FAM168A: variants seen among roughly 807,000 people sequenced by gnomAD.
FAM168A encodes the protein family with sequence similarity 168 member A.
In FAM168A, 3 loss-of-function variants were observed where a neutral mutation model predicts 28.5. That is an observed-to-expected ratio of 0.11 (90% CI 0.05 to 0.27). The LOEUF is 0.27. Ranked by LOEUF, FAM168A falls within the 10% of genes least tolerant of loss-of-function variation. The pLI, the probability that FAM168A is intolerant of heterozygous loss-of-function variation, is 1.00. For missense variants in FAM168A, 222 were observed against 311.5 expected (o/e 0.71, Z 2.16); for synonymous variants, 122 against 124.2 (o/e 0.98, Z 0.12).
intron 3 of FAM168A, chr11:73,424,986 G>A (rs1449465162): frequency 2.7e-6 from 4 of 1,489,908 alleles, no homozygotes; most frequent in Non-Finnish European, 3.6e-6. Flanking sequence ...CACATTCATA[G>A]GCTGTAATAC....
At chr11:73,407,474 G>T in intron 7 of FAM168A, 39 bp downstream of exon 7, 1 of 1,418,504 alleles carries the variant, frequency 7.0e-7, no homozygotes, top group Non-Finnish European at 9.5e-7. Flanking sequence ...GTTCCTGTAT[G>T]TATCCCCCTC....
At chr11:73,432,598 C>G (rs749207314) in intron 2 of FAM168A, among the ~76,000 whole-genome samples, 4 of 152,144 alleles carry the variant, frequency 2.6e-5, no homozygotes, top group Non-Finnish European at 4.4e-5. Flanking sequence ...AATGTCTATC[C>G]AAATCATTTT....
At chr11:73,422,723 ATT>A in intron 3 of FAM168A, among the ~76,000 whole-genome samples, 1 of 152,358 alleles carries the variant, frequency 6.6e-6, no homozygotes, top group East Asian at 1.9e-4. Flanking sequence ...TAAAGACATT[ATT>A]AAGCTGTACA....
At chr11:73,456,420 A>G (rs1867533196) in intron 2 of FAM168A, among the ~76,000 whole-genome samples, 1 of 152,214 alleles carries the variant, frequency 6.6e-6, no homozygotes, top group Admixed American at 6.5e-5. Flanking sequence ...CTATGTCTTG[A>G]GCTAATTGTG....
chr11:73,486,406 TTC>T (rs1868054218), intron 1 of FAM168A, among the ~76,000 whole-genome samples: 1 of 152,208 alleles, frequency 6.6e-6, no homozygotes. Context: ...CCATTCTATA[TTC>T]TGTCTCTAAA....
chr11:73,458,175 C>T (rs749370294), intron 2 of FAM168A, among the ~76,000 whole-genome samples: 2 of 152,084 alleles, frequency 1.3e-5, no homozygotes, highest in East Asian at 1.9e-4. Context: ...GAAAAACATA[C>T]AAATAAACAA....
chr11:73,502,829 T>C (rs1019252529), intron 1 of FAM168A, among the ~76,000 whole-genome samples: 3 of 152,222 alleles, frequency 2.0e-5, no homozygotes, highest in Non-Finnish European at 4.4e-5. Context: ...ATCCCTGGGA[T>C]GCAAGGCTGG....
intron 1 of FAM168A, among the ~76,000 whole-genome samples, chr11:73,485,417 A>C (rs1334592199): frequency 6.6e-6 from 1 of 152,210 alleles, no homozygotes; most frequent in Non-Finnish European, 1.5e-5. Flanking sequence ...AGAACCAGAG[A>C]TACACGTGTC....
At chr11:73,443,336 T>C (rs1467958806) in intron 2 of FAM168A, among the ~76,000 whole-genome samples, 2 of 152,170 alleles carry the variant, frequency 1.3e-5, no homozygotes, top group African/African-American at 4.8e-5. Context: ...CTATAATGAA[T>C]GCAAAAGGAA....
At chr11:73,559,361 C>G (rs1333092370) in intron 1 of FAM168A, among the ~76,000 whole-genome samples, 1 of 151,910 alleles carries the variant, frequency 6.6e-6, no homozygotes, top group Admixed American at 6.6e-5. Flanking sequence ...GAGCCGAGAT[C>G]GCGCCACTGC....
chr11:73,456,629 G>T (rs185022005), intron 2 of FAM168A, among the ~76,000 whole-genome samples: 1 of 152,158 alleles, frequency 6.6e-6, no homozygotes. Context: ...CATTGTTATT[G>T]TTTTAAGGAT....
Position 73,413,514 on chromosome 11 carries a change from T to A in FAM168A, c.278-1978A>T, listed in dbSNP as rs112546885. Among the ~76,000 whole-genome samples, 112 of 152,264 alleles carry A rather than the reference T, an allele frequency of 7.4e-4. 1 individual carries two copies. Among genetic ancestry groups the A allele is most frequent in the African/African-American group, 2.5e-3 (105 of 41,546 alleles). ...ATACTGTGGGGGAAGACAGGGAGAC[T>A]AGCTTTGCAGATGTCTAGAAGGAAC... On this transcript the variant is annotated intron_variant, in intron 4 of 7. Transcript: ENST00000356467.
At chr11:73,588,083 C>G (rs1314266735) in intron 1 of FAM168A, among the ~76,000 whole-genome samples, 1 of 152,034 alleles carries the variant, frequency 6.6e-6, no homozygotes, top group Non-Finnish European at 1.5e-5. Context: ...TATTAAGGTA[C>G]AAGAATTGTC....
At chr11:73,478,885 A>G (rs1397589384) in intron 1 of FAM168A, among the ~76,000 whole-genome samples, 1 of 152,180 alleles carries the variant, frequency 6.6e-6, no homozygotes, top group African/African-American at 2.4e-5. Flanking sequence ...AAAAACAACT[A>G]AAGTGGGGTG....
intron 1 of FAM168A, among the ~76,000 whole-genome samples, chr11:73,547,167 GGGAGGA>G (rs141362081): frequency 6.7e-6 from 1 of 149,356 alleles, no homozygotes; most frequent in Non-Finnish European, 1.5e-5. Flanking sequence ...AAAGGCGGGG[GGGAGGA>G]GGAGGAGGAG....
intron 1 of FAM168A, among the ~76,000 whole-genome samples, chr11:73,570,268 G>T (rs1348003564): frequency 6.6e-6 from 1 of 151,978 alleles, no homozygotes; most frequent in Non-Finnish European, 1.5e-5. Context: ...TATAAAACGG[G>T]GATAATGAGG....
At chr11:73,587,282 G>T (rs538403322) in intron 1 of FAM168A, among the ~76,000 whole-genome samples, 7 of 152,146 alleles carry the variant, frequency 4.6e-5, no homozygotes, top group African/African-American at 1.7e-4. Flanking sequence ...CCTGAGGTCA[G>T]GAGTTCGAGA....
intron 1 of FAM168A, among the ~76,000 whole-genome samples, chr11:73,552,944 G>A (rs1363920290): frequency 6.6e-6 from 1 of 152,150 alleles, no homozygotes; most frequent in Non-Finnish European, 1.5e-5. Context: ...GTGACAGAGT[G>A]AGATTCTGTC....
chr11:73,508,242 C>T (rs973436269), intron 1 of FAM168A, among the ~76,000 whole-genome samples: 2 of 152,056 alleles, frequency 1.3e-5, no homozygotes, highest in African/African-American at 4.8e-5. Flanking sequence ...GGGAAAGGCT[C>T]TGAAGTTTAA....
Sources: allele counts gnomAD v4.1 joint callset (sites outside exome capture counted in the v4.1 genomes callset), GRCh38; gene constraint gnomAD v4.1.1; transcripts MANE v1.5; gene names NCBI Gene and HGNC (gene_info 2026-07-23, HGNC 2026-07-21).